The following PDGFC variants were observed in gnomAD, a reference collection of about 807,000 sequenced individuals.
PDGFC encodes platelet derived growth factor C.
PDGFC carries 12 observed loss-of-function variants against 35.5 expected under a neutral mutation model. That is an observed-to-expected ratio of 0.34 (90% confidence interval 0.22 to 0.55). The LOEUF (loss-of-function observed/expected upper bound fraction) is 0.55, where lower values mean the gene tolerates loss of function less well. Among genes scored for constraint, PDGFC ranks in the 20% least tolerant of loss-of-function variants. The pLI, the probability that PDGFC is intolerant of heterozygous loss-of-function variation, is 0.91. For missense variants in PDGFC, 322 were observed against 412.4 expected (o/e 0.78, Z 1.90); for synonymous variants, 159 against 148.8 (o/e 1.07, Z -0.50).
chr4:156,922,368 T>C lies in PDGFC; in HGVS notation c.118+48418A>G, dbSNP rs548638473. On this transcript the variant is annotated intron_variant, in intron 1 of 5. Transcript: ENST00000502773. Reference sequence around the variant, plus strand: ...TCAATGGCTAACATATGCTAAGTACTATAGCAGGCATTGAGAATATAATCC... The same window carrying C: ...TCAATGGCTAACATATGCTAAGTACCATAGCAGGCATTGAGAATATAATCC... 2.0e-5 allele frequency among the ~76,000 whole-genome samples: 3 copies of C among 152,310 alleles called. No individual in the cohort carries two copies. The East Asian group carries it at 5.8e-4, about 29-fold the overall frequency.
intron 1 of PDGFC, among the ~76,000 whole-genome samples, chr4:156,926,049 C>CAAAAAAAAAAAAA (rs397707839): frequency 1.3e-4 from 9 of 67,526 alleles, no homozygotes; most frequent in East Asian, 5.4e-4. Context: ...AGATCTGTCT[C>CAAAAAAAAAAAAA]AAAAAAAAAA....
At chr4:156,780,128 T>A (rs1730938660) in intron 3 of PDGFC, among the ~76,000 whole-genome samples, 1 of 150,580 alleles carries the variant, frequency 6.6e-6, no homozygotes, top group Non-Finnish European at 1.5e-5. Context: ...TTTTTTTTTT[T>A]ACTAAAATTT....
At position 156,850,520 on chromosome 4, in the gene PDGFC, T is replaced by G. The variant is rs1233328978; in HGVS notation, c.119-104A>C. The G allele has an allele frequency of 1.1e-5, 6 of 563,614 alleles. No homozygotes were observed. The African/African-American group carries it at 1.1e-4, about 11-fold the overall frequency. The allele number at this position is 563,614 out of a possible 1,614,324, so 34.9% of individuals were successfully genotyped here. On this transcript the variant is annotated intron_variant, in intron 1 of 5. Transcript: ENST00000502773. ...CACTTTACCTCAGACAAGTGCTGAG[T>G]GTGTTTTATATGATATATGCCAAAT...
At chr4:156,895,110 G>C (rs1283148315) in intron 1 of PDGFC, among the ~76,000 whole-genome samples, 2 of 152,056 alleles carry the variant, frequency 1.3e-5, no homozygotes, top group East Asian at 3.9e-4. Context: ...CTAAAGGGGA[G>C]GGCCCACAGG....
intron 3 of PDGFC, among the ~76,000 whole-genome samples, chr4:156,806,445 T>C (rs959444832): frequency 1.3e-5 from 2 of 152,002 alleles, no homozygotes; most frequent in South Asian, 4.1e-4. Context: ...AAATATAATA[T>C]TCATTAAAAC....
At chr4:156,825,587 T>TAAGAAGAAGAAGAAGAAGAAGAAG (rs1390899557) in intron 2 of PDGFC, among the ~76,000 whole-genome samples, 2 of 87,220 alleles carry the variant, frequency 2.3e-5, no homozygotes, top group African/African-American at 1.2e-4. Context: ...ATAATAATAA[T>TAAGAAGAAGAAGAAGAAGAAGAAG]AATAATAAGA....
At chr4:156,855,488 T>C (rs751042772) in intron 1 of PDGFC, among the ~76,000 whole-genome samples, 26 of 152,216 alleles carry the variant, frequency 1.7e-4, no homozygotes, top group Non-Finnish European at 3.2e-4. Flanking sequence ...CTCTGTTTCA[T>C]GTAGGCACGA....
rs1730360428 is a variant in PDGFC at position 156,760,873 on chromosome 4, TA to T, written c.*2216del. 2 of 152,220 alleles carry T rather than the reference TA, an allele frequency of 1.3e-5. No homozygotes were observed. Among genetic ancestry groups the T allele is most frequent in the South Asian group, 4.1e-4 (2 of 4,830 alleles). 9.4% of individuals were successfully genotyped at this position (152,220 alleles called of 1,614,324 possible). A position where few individuals can be genotyped will look rare whatever the true frequency, so the allele number is the denominator to read the frequency against. On this transcript the variant is annotated 3_prime_UTR_variant, in exon 6 of 6. Coordinates refer to ENST00000502773, the MANE Select transcript of PDGFC (RefSeq NM_016205.3). The stretch of plus-strand genomic sequence containing the variant: ...AAACAGGCTATTTACTAAGACTTAG[TA>T]GTCTTTACTATACTAATGAAAGTTG...
intron 1 of PDGFC, among the ~76,000 whole-genome samples, chr4:156,901,674 T>C (rs1730789414): frequency 6.6e-6 from 1 of 152,106 alleles, no homozygotes; most frequent in South Asian, 2.1e-4. Context: ...CAGGCTGGAG[T>C]GCCAGTGGCA....
chr4:156,896,266 T>C (rs1346740736), intron 1 of PDGFC, among the ~76,000 whole-genome samples: 2 of 152,194 alleles, frequency 1.3e-5, no homozygotes, highest in African/African-American at 4.8e-5. Context: ...AGGAAGTTTT[T>C]GAGGATTAAC....
At chr4:156,887,779 T>C (rs1310601371) in intron 1 of PDGFC, among the ~76,000 whole-genome samples, 1 of 152,044 alleles carries the variant, frequency 6.6e-6, no homozygotes, top group East Asian at 1.9e-4. Flanking sequence ...TTTGGGAGGC[T>C]GAGGTGGGCC....
chr4:156,834,327 A>AT (rs547649930), intron 2 of PDGFC, among the ~76,000 whole-genome samples: 181 of 152,220 alleles, frequency 1.2e-3, no homozygotes, highest in African/African-American at 4.1e-3. Flanking sequence ...GCAATTTGAC[A>AT]TTTTTTTCTC....
chr4:156,801,391 T>C (rs1344686966), intron 3 of PDGFC, among the ~76,000 whole-genome samples: 1 of 152,174 alleles, frequency 6.6e-6, no homozygotes, highest in Non-Finnish European at 1.5e-5. Flanking sequence ...AATTCCCCTG[T>C]CTTGATAAAT....
At chr4:156,826,158 T>C (rs1732466511) in intron 2 of PDGFC, among the ~76,000 whole-genome samples, 1 of 139,026 alleles carries the variant, frequency 7.2e-6, no homozygotes, top group Non-Finnish European at 1.5e-5. Context: ...AGCCACCATA[T>C]CCAGCTTTGA....
intron 2 of PDGFC, among the ~76,000 whole-genome samples, chr4:156,819,248 A>C (rs1732180156): frequency 7.4e-6 from 1 of 134,660 alleles, no homozygotes; most frequent in African/African-American, 2.5e-5. Flanking sequence ...TGGATATGCT[A>C]AAAAAAACAC....
At chr4:156,842,037 T>C (rs552731000) in intron 2 of PDGFC, 2 of 152,282 alleles carry the variant, frequency 1.3e-5, no homozygotes, top group South Asian at 4.1e-4. Context: ...TCAGGTCCCA[T>C]GTAAAATTTC....
intron 1 of PDGFC, among the ~76,000 whole-genome samples, chr4:156,902,820 T>C (rs1730821770): frequency 6.6e-6 from 1 of 152,168 alleles, no homozygotes; most frequent in Admixed American, 6.5e-5. Context: ...GCCTGAAATA[T>C]TTTTCCTAGC....
At chr4:156,917,743 T>C (rs1731185166) in intron 1 of PDGFC, among the ~76,000 whole-genome samples, 1 of 152,222 alleles carries the variant, frequency 6.6e-6, no homozygotes, top group African/African-American at 2.4e-5. Context: ...TGTACATGAG[T>C]TACACTCAAC....
chr4:156,827,146 A>G (rs112316358), intron 2 of PDGFC, among the ~76,000 whole-genome samples: 9,039 of 152,242 alleles, frequency 0.059, 888 homozygotes, highest in African/African-American at 0.21. Context: ...GGCTGGGCAC[A>G]GTGGCACACG....
Sources: allele counts gnomAD v4.1 joint callset (sites outside exome capture counted in the v4.1 genomes callset), GRCh38; gene constraint gnomAD v4.1.1; transcripts MANE v1.5; gene names NCBI Gene and HGNC (gene_info 2026-07-23, HGNC 2026-07-21).